The following PSMA1 variants were observed in gnomAD, a reference collection of about 807,000 sequenced individuals.
PSMA1 encodes proteasome subunit alpha type-1.
In PSMA1, 3 loss-of-function variants were observed where a neutral mutation model predicts 38.4. That is an observed-to-expected ratio of 0.08 (90% CI 0.04 to 0.20). The LOEUF (loss-of-function observed/expected upper bound fraction) is 0.20. PSMA1 is among the 10% of genes least tolerant of loss of function. PSMA1 has a pLI of 1.00. For missense variants in PSMA1, 227 were observed against 325.3 expected (o/e 0.70, Z 2.32); for synonymous variants, 101 against 107.1 (o/e 0.94, Z 0.35).
At position 14,509,714 on chromosome 11, in the gene PSMA1, T is replaced by G. The variant is rs1851310614; in HGVS notation, c.624+1158A>C. ...CTGCGGCTGGCCCACAAACCGGTTG[T>G]TTTTTTTTTTTTTTTTTTGAGACGG... On this transcript the variant is annotated intron_variant, in intron 8 of 9. Coordinates refer to ENST00000396394, the MANE Select transcript of PSMA1 (RefSeq NM_002786.4). Among the ~76,000 whole-genome samples the G allele has an allele frequency of 2.2e-5, 2 of 91,036 alleles. 1 individual carries two copies. Among genetic ancestry groups the G allele is most frequent in the South Asian group, 6.1e-4 (2 of 3,292 alleles). 59.7% of individuals were successfully genotyped at this position (91,036 alleles called of 152,430 possible). A position where few individuals can be genotyped will look rare whatever the true frequency, so the allele number is the denominator to read the frequency against.
At chr11:14,528,361 C>G (rs1355657799) in intron 2 of PSMA1, among the ~76,000 whole-genome samples, 1 of 152,028 alleles carries the variant, frequency 6.6e-6, no homozygotes, top group Admixed American at 6.6e-5. Context: ...TTTAGTTTCT[C>G]AATTCATATA....
intron 1 of PSMA1, among the ~76,000 whole-genome samples, chr11:14,630,787 T>A (rs1839798617): frequency 6.6e-6 from 1 of 152,180 alleles, no homozygotes; most frequent in African/African-American, 2.4e-5. Context: ...TGTGAATCCA[T>A]CTGGTCCTGG....
intron 2 of PSMA1, among the ~76,000 whole-genome samples, chr11:14,537,556 T>G (rs954783331): frequency 1.3e-5 from 2 of 151,518 alleles, no homozygotes; most frequent in Non-Finnish European, 2.9e-5. Context: ...GTTTTTTTTT[T>G]TTTTCAGTTT....
At chr11:14,596,828 T>C (rs1329528571) in intron 2 of PSMA1, among the ~76,000 whole-genome samples, 2 of 152,230 alleles carry the variant, frequency 1.3e-5, no homozygotes, top group Non-Finnish European at 2.9e-5. Flanking sequence ...GTGCCAGTTT[T>C]CAAAGGGAAT....
chr11:14,619,782 G>A (rs950161200), intron 1 of PSMA1, among the ~76,000 whole-genome samples: 3 of 152,100 alleles, frequency 2.0e-5, no homozygotes, highest in African/African-American at 7.2e-5. Flanking sequence ...CTCAGACCTT[G>A]TTATGTGTAA....
intron 1 of PSMA1, among the ~76,000 whole-genome samples, chr11:14,620,582 A>C (rs1852832527): frequency 1.3e-5 from 2 of 152,216 alleles, no homozygotes. Context: ...TAGTGATTCT[A>C]TTCTGGAAGG....
intron 2 of PSMA1, among the ~76,000 whole-genome samples, chr11:14,593,481 T>C (rs1226442429): frequency 6.6e-6 from 1 of 152,132 alleles, no homozygotes; most frequent in Non-Finnish European, 1.5e-5. Flanking sequence ...CTAACATAAC[T>C]TCATTGTAAT....
intron 2 of PSMA1, among the ~76,000 whole-genome samples, chr11:14,532,049 A>G (rs1265269542): frequency 3.4e-4 from 51 of 151,700 alleles, no homozygotes; most frequent in Admixed American, 3.4e-3. Flanking sequence ...TCTTGCTGAG[A>G]CTCTGACTAA....
In PSMA1 at chr11:14,610,748, T is replaced by C. The variant is rs193272449; in HGVS notation, c.21+218A>G. 5.1e-5 allele frequency: 28 copies of C among 547,696 alleles called. No homozygotes were observed. The African/African-American group carries it at 5.2e-4, about 10-fold the overall frequency. 33.9% of individuals were successfully genotyped at this position (547,696 alleles called of 1,614,324 possible). Reference sequence around the variant, plus strand: ...GTAACTTAGGTTAATCCCTTTCTTTTTGTGCCTATGACAAGGCTGGTATGA... The same window carrying C: ...GTAACTTAGGTTAATCCCTTTCTTTCTGTGCCTATGACAAGGCTGGTATGA... On this transcript the variant is annotated intron_variant, in intron 2 of 10. Transcript: ENST00000418988.
In PSMA1 at chr11:14,514,405, C is replaced by T; in HGVS notation, c.341G>A (p.Ser114Asn). The T allele has an allele frequency of 6.2e-7, 1 of 1,603,798 alleles. No homozygotes were observed. Among genetic ancestry groups the T allele is most frequent in the East Asian group, 2.2e-5 (1 of 44,642 alleles). The part of the protein sequence containing the change: ...PVSRLVSLIG[S>N]KTQIPTQRYG... The stretch of plus-strand genomic sequence containing the variant: ...AAATGCTAACATAAAAAGGATACTG[C>T]TTCCAATTAGAGATACAAGACGAGA... The change falls in exon 5 of 10, where the codon AGC (serine) becomes AAC (asparagine). Residue 114 changes from serine (S) to asparagine (N), a missense_variant and splice_region_variant. Ser to Asn is a conservative substitution (Grantham distance 46). Coordinates refer to ENST00000396394, the MANE Select transcript of PSMA1 (RefSeq NM_002786.4).
chr11:14,602,829 C>A (rs1272331241), intron 2 of PSMA1, among the ~76,000 whole-genome samples: 1 of 152,130 alleles, frequency 6.6e-6, no homozygotes, highest in African/African-American at 2.4e-5. Flanking sequence ...TAGGTGTGGG[C>A]TCAGCAGACC....
chr11:14,573,857 T>C (rs1229131247), intron 2 of PSMA1, among the ~76,000 whole-genome samples: 1 of 152,204 alleles, frequency 6.6e-6, no homozygotes, highest in Non-Finnish European at 1.5e-5. Flanking sequence ...ACTTTTGTTA[T>C]GCATTAGCAA....
At chr11:14,620,874 T>A (rs1183181832) in intron 1 of PSMA1, among the ~76,000 whole-genome samples, 1 of 152,188 alleles carries the variant, frequency 6.6e-6, no homozygotes, top group African/African-American at 2.4e-5. Context: ...TTATGAGACT[T>A]GGGGTTTCCT....
intron 2 of PSMA1, among the ~76,000 whole-genome samples, chr11:14,604,098 G>A (rs1852615647): frequency 6.6e-6 from 1 of 152,192 alleles, no homozygotes; most frequent in Admixed American, 6.5e-5. Context: ...GAGAGAGGTA[G>A]AGTTTGAAGT....
exon 2 of PSMA1, chr11:14,611,149 T>C (rs937127878): frequency 7.9e-6 from 5 of 630,438 alleles, no homozygotes; most frequent in South Asian, 1.9e-5. Flanking sequence ...CAGGGTGGAA[T>C]ACCTGAAAGA....
rs1222699091 is a variant in PSMA1 at position 14,517,746 on chromosome 11, CTAAA to C, written c.151-5_151-2del. The C allele has an allele frequency of 1.3e-6, 2 of 1,574,456 alleles. No individual in the cohort carries two copies. The highest frequency in any genetic ancestry group is 2.2e-5 in the East Asian group (1 of 44,566). On this transcript the variant is annotated splice_acceptor_variant and splice_polypyrimidine_tract_variant and intron_variant, in intron 3 of 9. Transcript: ENST00000396394. LOFTEE classifies it high-confidence loss of function. Reference sequence around the variant, plus strand: ...GAGCTGCAAGCTCTGATTGCGCCCTCTAAATAGAGACATTATAAGATGTAAAAAA... The same window carrying C: ...GAGCTGCAAGCTCTGATTGCGCCCTCTAGAGACATTATAAGATGTAAAAAA...
At chr11:14,620,078 GTGTGTA>G (rs1198889632) in intron 1 of PSMA1, among the ~76,000 whole-genome samples, 11 of 151,734 alleles carry the variant, frequency 7.2e-5, no homozygotes, top group Admixed American at 4.6e-4. Context: ...GTGTGTGTGT[GTGTGTA>G]TGTGTATGTG....
chr11:14,600,550 C>T (rs1852567701), intron 2 of PSMA1, among the ~76,000 whole-genome samples: 1 of 152,212 alleles, frequency 6.6e-6, no homozygotes, highest in South Asian at 2.1e-4. Context: ...GCCGCCGAGC[C>T]AGGCACGGAA....
chr11:14,585,076 A>C lies in PSMA1; in HGVS notation c.21+25890T>G, dbSNP rs561213957. Among the ~76,000 whole-genome samples the C allele has an allele frequency of 4.6e-5, 7 of 152,342 alleles. No individual in the cohort carries two copies. In the East Asian group the frequency reaches 1.4e-3, roughly 29 times the overall value. On this transcript the variant is annotated intron_variant, in intron 2 of 10. Transcript: ENST00000418988. ...GCAGTATAGAAATCCATTTTCTGGG[A>C]AGCATCAATTACTCTCTTTACTGAT...
Sources: gnomAD v4.1 joint callset for allele counts (sites outside exome capture counted in the v4.1 genomes callset) on GRCh38, gnomAD v4.1.1 for gene constraint, MANE v1.5 for transcripts, NCBI Gene and HGNC (gene_info 2026-07-23, HGNC 2026-07-21) for gene names.